Variants in MRPS25 observed in about 807,000 individuals in gnomAD.
MRPS25 encodes the protein mitochondrial ribosomal protein S25, also known as small ribosomal subunit protein mS25.
MRPS25 carries 15 observed loss-of-function variants against 17.3 expected under a neutral mutation model. The ratio of observed to expected loss-of-function variants is 0.87; its 90% CI spans 0.58 to 1.34. The LOEUF (loss-of-function observed/expected upper bound fraction) is 1.34, where lower values mean the gene tolerates loss of function less well. Ranked by LOEUF, MRPS25 falls within the 40% of genes most tolerant of loss-of-function variation. The probability of loss-of-function intolerance (pLI) is 0.00; values close to 1 mark genes in which losing one functional copy is unlikely to be tolerated. For missense variants in MRPS25, 225 were observed against 218.6 expected, an observed-to-expected ratio of 1.03 and a Z score of -0.19; for synonymous variants, 94 against 83.3, an observed-to-expected ratio of 1.13 and a Z score of -0.70.
chr3:15,044,167 T>C (rs2042370322), downstream of MRPS25: 1 of 151,718 alleles, frequency 6.6e-6, no homozygotes, highest in African/African-American at 2.4e-5. Context: ...CTGGCGAGAG[T>C]GGTTAGGGCC....
chr3:15,052,761 C>T (rs2042621639), intron 3 of MRPS25, 128 bp from the exon 4 acceptor site: 1 of 986,744 alleles, frequency 1.0e-6, no homozygotes, highest in Non-Finnish European at 1.5e-6. Context: ...TAACCTGATC[C>T]TCACTGTCAA....
At chr3:15,059,271 C>T (rs989582451) in intron 2 of MRPS25, 98 bp downstream of exon 2, 24 of 831,798 alleles carry the variant, frequency 2.9e-5, no homozygotes, top group Admixed American at 8.0e-5. Context: ...ACCATGACAG[C>T]GCACACTGCA....
chr3:15,049,946 A>C lies in MRPS25; in HGVS notation c.*2495T>G, dbSNP rs1220657077. The C allele has an allele frequency of 3.3e-6, 5 of 1,529,378 alleles. No homozygotes were observed. Among genetic ancestry groups the C allele is most frequent in the Non-Finnish European group, 4.4e-6 (5 of 1,144,512 alleles). 94.7% of individuals were successfully genotyped at this position (1,529,378 alleles called of 1,614,324 possible). On this transcript the variant is annotated 3_prime_UTR_variant, in exon 4 of 4. Transcript: ENST00000253686. Reference sequence around the variant, plus strand: ...GCTGCCAGGTAGTGCCTCAAAGAGAAGAAAAGTGGTCACTTCAGAATAAGG... The same window carrying C: ...GCTGCCAGGTAGTGCCTCAAAGAGACGAAAAGTGGTCACTTCAGAATAAGG...
At chr3:15,063,827 G>A (rs904357650) in intron 1 of MRPS25, among the ~76,000 whole-genome samples, 11 of 152,024 alleles carry the variant, frequency 7.2e-5, no homozygotes, top group Non-Finnish European at 1.6e-4. Flanking sequence ...GGGCCGCACC[G>A]AGACCCCCAC....
In MRPS25 at chr3:15,049,853, C is replaced by G; in HGVS notation, c.*2588G>C. ...CACTCCAGCCTCAACCTCCTGGGCT[C>G]AAGTGATCCTCCTGCCTCAGCCTCC... On this transcript the variant is annotated 3_prime_UTR_variant, in exon 4 of 4. Coordinates refer to ENST00000253686, the MANE Select transcript of MRPS25 (RefSeq NM_022497.5). The G allele has an allele frequency of 7.3e-7, 1 of 1,366,362 alleles. No individual in the cohort carries two copies. Among genetic ancestry groups the G allele is most frequent in the Non-Finnish European group, 1.0e-6 (1 of 994,780 alleles). 84.6% of individuals were successfully genotyped at this position (1,366,362 alleles called of 1,614,324 possible).
Position 15,052,315 on chromosome 3 carries a change from T to G in MRPS25, c.*126A>C, listed in dbSNP as rs2042615836. On this transcript the variant is annotated 3_prime_UTR_variant, in exon 4 of 4. Transcript: ENST00000253686. ...CTTTTACACAGGTGTGTAAAGTCCT[T>G]TTAATGCAAAAGGATTTCCAGAGTC... The G allele has an allele frequency of 6.8e-7, 1 of 1,479,952 alleles. No homozygotes were observed. Among genetic ancestry groups the G allele is most frequent in the Admixed American group, 2.5e-5 (1 of 39,984 alleles). The allele number at this position is 1,479,952 out of a possible 1,614,324, so 91.7% of individuals were successfully genotyped here.
In MRPS25 at chr3:15,049,905, T is replaced by C. The variant is rs1426176286; in HGVS notation, c.*2536A>G. On this transcript the variant is annotated 3_prime_UTR_variant, in exon 4 of 4. Coordinates refer to ENST00000253686, the MANE Select transcript of MRPS25 (RefSeq NM_022497.5). ...GAGTAACTGGGACCACAGCAGATGA[T>C]ACAGGTTTAGATGGTGCTGCCAGGT... 1 of 1,532,206 alleles carries C rather than the reference T, an allele frequency of 6.5e-7. No homozygotes were observed. Among genetic ancestry groups the C allele is most frequent in the South Asian group, 1.2e-5 (1 of 83,586 alleles). The allele number at this position is 1,532,206 out of a possible 1,614,324, so 94.9% of individuals were successfully genotyped here. A position where few individuals can be genotyped will look rare whatever the true frequency, so the allele number is the denominator to read the frequency against.
downstream of MRPS25, chr3:15,046,436 G>C (rs1434501417): frequency 6.6e-6 from 1 of 152,188 alleles, no homozygotes; most frequent in Non-Finnish European, 1.5e-5. Context: ...GGATAGTTAC[G>C]GCAAGGAGCA....
chr3:15,049,856 G>A lies in MRPS25; in HGVS notation c.*2585C>T. 7.2e-7 allele frequency: 1 copy of A among 1,389,994 alleles called. No individual in the cohort carries two copies. The highest frequency in any genetic ancestry group is 9.8e-7 in the Non-Finnish European group (1 of 1,016,266). The allele number at this position is 1,389,994 out of a possible 1,614,324, so 86.1% of individuals were successfully genotyped here. On this transcript the variant is annotated 3_prime_UTR_variant, in exon 4 of 4. Transcript: ENST00000253686. ...TCCAGCCTCAACCTCCTGGGCTCAA[G>A]TGATCCTCCTGCCTCAGCCTCCTGA...
chr3:15,051,926 A>T lies in MRPS25; in HGVS notation c.*515T>A. ...ATCAACTGTACTTAAAAAAGTGAGC[A>T]CTGCACGAAGGGTTGCCTTTGGATT... On this transcript the variant is annotated 3_prime_UTR_variant, in exon 4 of 4. Coordinates refer to ENST00000253686, the MANE Select transcript of MRPS25 (RefSeq NM_022497.5). 1.0e-6 allele frequency: 1 copy of T among 985,650 alleles called. No individual in the cohort carries two copies. The highest frequency in any genetic ancestry group is 1.2e-6 in the Non-Finnish European group (1 of 830,128). The allele number at this position is 985,650 out of a possible 1,614,324, so 61.1% of individuals were successfully genotyped here. A position where few individuals can be genotyped will look rare whatever the true frequency, so the allele number is the denominator to read the frequency against.
chr3:15,055,875 T>C (rs1455990711), intron 2 of MRPS25, among the ~76,000 whole-genome samples: 3 of 139,412 alleles, frequency 2.2e-5, no homozygotes, highest in East Asian at 2.1e-4. Context: ...CCAGAACACA[T>C]AAAGAACTCG....
chr3:15,062,669 C>G (rs1347962075), intron 1 of MRPS25, among the ~76,000 whole-genome samples: 1 of 152,102 alleles, frequency 6.6e-6, no homozygotes, highest in African/African-American at 2.4e-5. Context: ...GGATGGTTGC[C>G]GTGTCTGTGT....
At position 15,051,601 on chromosome 3, in the gene MRPS25, G is replaced by C. The variant is rs1048882317; in HGVS notation, c.*840C>G. The C allele has an allele frequency of 2.0e-6, 2 of 985,342 alleles. No homozygotes were observed. Among genetic ancestry groups the C allele is most frequent in the East Asian group, 2.3e-4 (2 of 8,832 alleles). The allele number at this position is 985,342 out of a possible 1,614,324, so 61.0% of individuals were successfully genotyped here. ...TCAGTGTCCTATGAGGAAAGAACAA[G>C]GAAGGTGCTCAGTAATGCAGCACTC... On this transcript the variant is annotated 3_prime_UTR_variant, in exon 4 of 4. Transcript: ENST00000253686.
chr3:15,064,532 T>C (rs891065526), intron 1 of MRPS25, among the ~76,000 whole-genome samples: 7 of 152,158 alleles, frequency 4.6e-5, no homozygotes, highest in African/African-American at 1.4e-4. Context: ...GCAAGTTACT[T>C]AACCTCTCTG....
At chr3:15,063,156 G>A (rs2042803193) in intron 1 of MRPS25, among the ~76,000 whole-genome samples, 1 of 152,042 alleles carries the variant, frequency 6.6e-6, no homozygotes, top group African/African-American at 2.4e-5. Context: ...CAGAAGGTGG[G>A]GTTTTACAAT....
downstream of MRPS25, chr3:15,043,103 C>A: frequency 8.3e-7 from 1 of 1,208,526 alleles, no homozygotes; most frequent in Non-Finnish European, 1.1e-6. Flanking sequence ...GCAAATATTT[C>A]CATATGTTAG....
At position 15,051,689 on chromosome 3, in the gene MRPS25, C is replaced by T; in HGVS notation, c.*752G>A. 1.0e-6 allele frequency: 1 copy of T among 985,800 alleles called. No individual in the cohort carries two copies. The highest frequency in any genetic ancestry group is 1.2e-6 in the Non-Finnish European group (1 of 830,232). The allele number at this position is 985,800 out of a possible 1,614,324, so 61.1% of individuals were successfully genotyped here. On this transcript the variant is annotated 3_prime_UTR_variant, in exon 4 of 4. Transcript: ENST00000253686. ...CAGCAGAGCCAGCTATAGACACCAT[C>T]CCCCCAGCAGGGCCCCAATGTCTCC... is the stretch of plus-strand genomic sequence containing the variant.
In MRPS25 at chr3:15,052,078, G is replaced by C; in HGVS notation, c.*363C>G. 1.3e-5 allele frequency: 13 copies of C among 1,020,816 alleles called. No individual in the cohort carries two copies. Among genetic ancestry groups the C allele is most frequent in the Non-Finnish European group, 1.5e-5 (13 of 852,728 alleles). The allele number at this position is 1,020,816 out of a possible 1,614,324, so 63.2% of individuals were successfully genotyped here. On this transcript the variant is annotated 3_prime_UTR_variant, in exon 4 of 4. Coordinates refer to ENST00000253686, the MANE Select transcript of MRPS25 (RefSeq NM_022497.5). ...AGTAGAGCCCAGAGGAAGATTCAAA[G>C]CCAGCGGAGACCAGTAAAGGGTCGC...
At chr3:15,060,488 T>C (rs532296589) in intron 1 of MRPS25, among the ~76,000 whole-genome samples, 1 of 142,210 alleles carries the variant, frequency 7.0e-6, no homozygotes, top group African/African-American at 2.7e-5. Flanking sequence ...CACATTCCAG[T>C]CTAGGCGACA....
Sources: allele counts gnomAD v4.1 joint callset (sites outside exome capture counted in the v4.1 genomes callset), GRCh38; gene constraint gnomAD v4.1.1; transcripts MANE v1.5; gene names NCBI Gene and HGNC (gene_info 2026-07-23, HGNC 2026-07-21).